Variants in TBCA observed in about 807,000 individuals in gnomAD.
TBCA encodes tubulin folding cofactor A, also known as tubulin-specific chaperone A.
A neutral mutation model predicts 15.8 loss-of-function variants in TBCA; 6 were observed. The observed-to-expected ratio is 0.38, with a 90% CI of 0.21 to 0.75. The LOEUF is 0.75. Among genes scored for constraint, TBCA ranks in the 30% least tolerant of loss-of-function variants. The probability of loss-of-function intolerance (pLI) is 0.46; values close to 1 mark genes in which losing one functional copy is unlikely to be tolerated. For synonymous variants in TBCA, 32 were observed against 42.3 expected, an observed-to-expected ratio of 0.76 and a Z score of 0.94; for missense variants, 90 against 131.2, an observed-to-expected ratio of 0.69 and a Z score of 1.53.
intron 1 of TBCA, among the ~76,000 whole-genome samples, chr5:77,727,785 A>C (rs1746665135): frequency 1.3e-5 from 2 of 152,224 alleles, no homozygotes; most frequent in Admixed American, 6.5e-5. Context: ...ATTTCATTAT[A>C]ATAAAATAGT....
chr5:77,704,722 A>C (rs1037867428), intron 2 of TBCA, among the ~76,000 whole-genome samples: 1 of 152,236 alleles, frequency 6.6e-6, no homozygotes, highest in Admixed American at 6.5e-5. Context: ...AGGGAAAAGA[A>C]ATTAAGAAAT....
At chr5:77,699,392 T>C (rs1430078456) in intron 2 of TBCA, among the ~76,000 whole-genome samples, 1 of 152,202 alleles carries the variant, frequency 6.6e-6, no homozygotes, top group East Asian at 1.9e-4. Flanking sequence ...AGTGCAGTAT[T>C]GTTAATGAAC....
intron 1 of TBCA, among the ~76,000 whole-genome samples, chr5:77,751,155 CTTTCTTTTT>C (rs1453280845): frequency 1.5e-4 from 16 of 106,900 alleles, no homozygotes; most frequent in African/African-American, 4.8e-4. Flanking sequence ...GTCTTTCTTT[CTTTCTTTTT>C]TTTTTTTTTT....
At chr5:77,731,987 G>A (rs748143323) in intron 1 of TBCA, among the ~76,000 whole-genome samples, 11 of 152,090 alleles carry the variant, frequency 7.2e-5, no homozygotes, top group Admixed American at 2.0e-4. Context: ...ACACTATCCC[G>A]GTCTCCACAG....
intron 1 of TBCA, 53 bp downstream of exon 1, chr5:77,776,152 G>A: frequency 1.3e-6 from 2 of 1,546,102 alleles, no homozygotes; most frequent in Non-Finnish European, 1.7e-6. Flanking sequence ...AGCCTCGCGG[G>A]CCGCCATGAG....
At chr5:77,721,560 T>G (rs894867892) in intron 1 of TBCA, among the ~76,000 whole-genome samples, 9 of 152,122 alleles carry the variant, frequency 5.9e-5, no homozygotes, top group African/African-American at 1.9e-4. Context: ...TATACACTGA[T>G]TTGGTATATG....
chr5:77,707,147 G>A (rs1437999764), intron 2 of TBCA, among the ~76,000 whole-genome samples: 1 of 151,882 alleles, frequency 6.6e-6, no homozygotes, highest in Non-Finnish European at 1.5e-5. Flanking sequence ...TAATAACAAT[G>A]TCACTGATAG....
intron 1 of TBCA, among the ~76,000 whole-genome samples, chr5:77,738,872 T>C (rs1045250654): frequency 6.6e-6 from 1 of 152,124 alleles, no homozygotes; most frequent in Non-Finnish European, 1.5e-5. Flanking sequence ...CGTGAGCCAC[T>C]GCACCTGGCC....
intron 1 of TBCA, among the ~76,000 whole-genome samples, chr5:77,712,733 A>G (rs922297985): frequency 2.0e-5 from 3 of 152,222 alleles, no homozygotes; most frequent in Non-Finnish European, 4.4e-5. Flanking sequence ...AAAATGATTT[A>G]TAGAATTTAT....
Position 77,737,963 on chromosome 5 carries a change from G to A in TBCA, c.54-29616C>T, listed in dbSNP as rs936351130. On this transcript the variant is annotated intron_variant, in intron 1 of 3. Transcript: ENST00000380377. ...AACAGTTCTAATTGCCTTATTATCT[G>A]CTCTGGTGCAGTAGTAAAGCCTTTG... Among the ~76,000 whole-genome samples the A allele has an allele frequency of 2.6e-5, 4 of 152,092 alleles. No individual in the cohort carries two copies. The East Asian group carries it at 7.7e-4, about 29-fold the overall frequency.
At chr5:77,735,355 T>C (rs1218041058) in intron 1 of TBCA, among the ~76,000 whole-genome samples, 2 of 152,216 alleles carry the variant, frequency 1.3e-5, no homozygotes, top group Non-Finnish European at 2.9e-5. Flanking sequence ...GGGAATTTCA[T>C]TGTTTATCTA....
intron 1 of TBCA, among the ~76,000 whole-genome samples, chr5:77,731,940 T>C (rs1746781285): frequency 1.3e-5 from 2 of 152,196 alleles, no homozygotes; most frequent in Non-Finnish European, 1.5e-5. Context: ...AGGGTGAGCA[T>C]TACTGACTGT....
At chr5:77,768,832 G>C (rs527693328) in intron 1 of TBCA, among the ~76,000 whole-genome samples, 6 of 152,310 alleles carry the variant, frequency 3.9e-5, no homozygotes, top group African/African-American at 1.4e-4. Flanking sequence ...TACTGGAATA[G>C]ACATCACACA....
At chr5:77,708,982 CT>C (rs35555938) in intron 1 of TBCA, among the ~76,000 whole-genome samples, 41,345 of 141,278 alleles carry the variant, frequency 0.29, 6,041 homozygotes, top group Non-Finnish European at 0.35. Flanking sequence ...ATACAACTGT[CT>C]TTTTTTTTTT....
chr5:77,772,299 T>C (rs940045209), intron 1 of TBCA, among the ~76,000 whole-genome samples: 1 of 152,132 alleles, frequency 6.6e-6, no homozygotes, highest in Non-Finnish European at 1.5e-5. Flanking sequence ...TATGTTACCA[T>C]TGCTGCCTCA....
chr5:77,709,934 C>T (rs1345973365), intron 1 of TBCA, among the ~76,000 whole-genome samples: 1 of 152,090 alleles, frequency 6.6e-6, no homozygotes, highest in African/African-American at 2.4e-5. Flanking sequence ...GATTTTATTA[C>T]AGGACATATC....
intron 2 of TBCA, among the ~76,000 whole-genome samples, chr5:77,697,947 G>A (rs1312906620): frequency 6.8e-6 from 1 of 146,320 alleles, no homozygotes; most frequent in Non-Finnish European, 1.5e-5. Context: ...CTGGGCAACA[G>A]GCAAGACCCC....
chr5:77,750,780 C>T (rs867615764), intron 1 of TBCA, among the ~76,000 whole-genome samples: 2 of 152,026 alleles, frequency 1.3e-5, no homozygotes, highest in Non-Finnish European at 2.9e-5. Context: ...CCAGGTGGTC[C>T]GGGTACAGCT....
intron 1 of TBCA, among the ~76,000 whole-genome samples, chr5:77,717,204 C>T (rs562322394): frequency 6.6e-6 from 1 of 152,084 alleles, no homozygotes. Context: ...TTATTGCAGG[C>T]GATAATAAAT....
Sources: gnomAD v4.1 joint callset for allele counts (sites outside exome capture counted in the v4.1 genomes callset) on GRCh38, gnomAD v4.1.1 for gene constraint, MANE v1.5 for transcripts, NCBI Gene and HGNC (gene_info 2026-07-23, HGNC 2026-07-21) for gene names.